The following ABHD18 variants were observed in gnomAD, a reference collection of about 807,000 sequenced individuals.
ABHD18 encodes the protein cardiolipin-specific deacylase, mitochondrial.
In ABHD18, 55 loss-of-function variants were observed where a neutral mutation model predicts 65.9. The observed-to-expected ratio is 0.84, with a 90% CI of 0.67 to 1.05. ABHD18 has a LOEUF of 1.05. Ranked by LOEUF, ABHD18 falls within the 50% of genes least tolerant of loss-of-function variation. The pLI is 0.00. For synonymous variants in ABHD18, 181 were observed against 180.2 expected, an observed-to-expected ratio of 1.00 and a Z score of -0.04; for missense variants, 533 against 558.5, an observed-to-expected ratio of 0.95 and a Z score of 0.46.
rs552239838 is a variant in ABHD18 at position 128,011,494 on chromosome 4, T to A, written c.443-179T>A. On this transcript the variant is annotated intron_variant, in intron 6 of 12. Transcript: ENST00000645843. ...AGTAAAGCTGGTTTTTTTTTTTTTT[T>A]TAAAAAAAAGGAAAATAATTAAGTT... Among the ~76,000 whole-genome samples the A allele has an allele frequency of 2.4e-4, 36 of 149,990 alleles. No individual in the cohort carries two copies. The highest frequency in any genetic ancestry group is 8.3e-4 in the African/African-American group (34 of 41,084).
chr4:128,025,465 A>C (rs976009437), intron 10 of ABHD18, among the ~76,000 whole-genome samples: 6 of 152,128 alleles, frequency 3.9e-5, no homozygotes, highest in African/African-American at 1.2e-4. Flanking sequence ...GGACTATACA[A>C]AGTGTTTCCT....
At chr4:128,021,521 G>A (rs183113912) in intron 10 of ABHD18, among the ~76,000 whole-genome samples, 41 of 152,246 alleles carry the variant, frequency 2.7e-4, no homozygotes, top group African/African-American at 9.4e-4. Flanking sequence ...ACGTGTGGTG[G>A]TAGGTGCCTG....
chr4:128,017,128 G>C (rs894907454), intron 7 of ABHD18, among the ~76,000 whole-genome samples: 4 of 152,086 alleles, frequency 2.6e-5, no homozygotes, highest in South Asian at 2.1e-4. Flanking sequence ...ATGTTGCCCA[G>C]GCTTGTCTTG....
chr4:128,003,788 T>C (rs1753093206), intron 4 of ABHD18, among the ~76,000 whole-genome samples: 1 of 151,874 alleles, frequency 6.6e-6, no homozygotes, highest in African/African-American at 2.4e-5. Flanking sequence ...CTACTGAAAA[T>C]AGCAAAAATA....
chr4:127,994,152 A>T (rs1751364916), intron 4 of ABHD18, among the ~76,000 whole-genome samples: 1 of 152,222 alleles, frequency 6.6e-6, no homozygotes, highest in Admixed American at 6.5e-5. Flanking sequence ...AAGACTGCTT[A>T]AGATCTGTGG....
chr4:128,027,992 A>G (rs890650970), intron 10 of ABHD18, among the ~76,000 whole-genome samples: 2 of 152,252 alleles, frequency 1.3e-5, no homozygotes, highest in African/African-American at 4.8e-5. Context: ...TATATACAAC[A>G]TAAAATTTAC....
chr4:127,998,208 C>T (rs2149104606), intron 4 of ABHD18, among the ~76,000 whole-genome samples: 1 of 151,236 alleles, frequency 6.6e-6, no homozygotes, highest in East Asian at 2.0e-4. Context: ...TATCTCACTT[C>T]CTCTTTTCTC....
At chr4:127,981,805 G>GA (rs1749104424) in intron 1 of ABHD18, among the ~76,000 whole-genome samples, 1 of 152,012 alleles carries the variant, frequency 6.6e-6, no homozygotes, top group Admixed American at 6.6e-5. Flanking sequence ...TGGAAACTGG[G>GA]AAAAAGAGAG....
Position 128,039,144 on chromosome 4 carries a change from C to CGTGTGTGTATATATATATAT in ABHD18, c.*3331_*3332insGTGTGTGTATATATATATAT, listed in dbSNP as rs1491380654. 2 of 99,738 alleles carry CGTGTGTGTATATATATATAT rather than the reference C, an allele frequency of 2.0e-5. No individual in the cohort carries two copies. Among genetic ancestry groups the CGTGTGTGTATATATATATAT allele is most frequent in the African/African-American group, 7.5e-5 (2 of 26,816 alleles). 6.2% of individuals were successfully genotyped at this position (99,738 alleles called of 1,614,324 possible). On this transcript the variant is annotated 3_prime_UTR_variant, in exon 13 of 13. Coordinates refer to ENST00000645843, the MANE Select transcript of ABHD18 (RefSeq NM_001358451.3). ...TATGTATTATATATACACACATATG[C>CGTGTGTGTATATATATATAT]ATATATATATATATATATATATATA...
chr4:128,032,852 A>G (rs1758399838), intron 12 of ABHD18, among the ~76,000 whole-genome samples: 1 of 152,236 alleles, frequency 6.6e-6, no homozygotes, highest in Admixed American at 6.5e-5. Context: ...AGGGACATAC[A>G]TTACATGTAC....
chr4:128,010,360 T>C (rs1208497027), intron 6 of ABHD18, among the ~76,000 whole-genome samples: 1 of 148,088 alleles, frequency 6.8e-6, no homozygotes, highest in Non-Finnish European at 1.5e-5. Context: ...TGAAACCCTG[T>C]CTCTGCTAAA....
At chr4:128,035,124 C>T (rs538523552) in intron 12 of ABHD18, among the ~76,000 whole-genome samples, 140 of 152,218 alleles carry the variant, frequency 9.2e-4, no homozygotes, top group Middle Eastern at 3.4e-3. Context: ...TAATTTTCAA[C>T]GAAGCGATAA....
intron 4 of ABHD18, among the ~76,000 whole-genome samples, chr4:128,007,660 G>A (rs1348196902): frequency 2.0e-5 from 3 of 151,178 alleles, no homozygotes; most frequent in Non-Finnish European, 4.4e-5. Flanking sequence ...AGGATCACTT[G>A]AGCCCAGGAA....
chr4:128,031,135 C>G, intron 12 of ABHD18: 1 of 985,756 alleles, frequency 1.0e-6, no homozygotes, highest in Non-Finnish European at 1.2e-6. Flanking sequence ...TTATATGACT[C>G]CACTATTTTA....
At chr4:128,013,053 A>G (rs1041500781) in intron 7 of ABHD18, among the ~76,000 whole-genome samples, 53 of 144,460 alleles carry the variant, frequency 3.7e-4, no homozygotes, top group African/African-American at 1.3e-3. Flanking sequence ...CGACAGAGCA[A>G]GACTCCATCC....
chr4:128,026,648 CT>C (rs1461930652), intron 10 of ABHD18, among the ~76,000 whole-genome samples: 3 of 151,984 alleles, frequency 2.0e-5, no homozygotes, highest in Admixed American at 6.6e-5. Flanking sequence ...TTTCTTTTGA[CT>C]TTGGTTTTAG....
chr4:127,968,389 T>C (rs1746104671), intron 1 of ABHD18, among the ~76,000 whole-genome samples: 1 of 152,244 alleles, frequency 6.6e-6, no homozygotes, highest in Admixed American at 6.5e-5. Flanking sequence ...GAAGTGAAAT[T>C]ACAAGATAAA....
chr4:127,975,528 G>A (rs1747744697), intron 1 of ABHD18, among the ~76,000 whole-genome samples: 1 of 152,154 alleles, frequency 6.6e-6, no homozygotes, highest in Non-Finnish European at 1.5e-5. Context: ...GTGTGTGTTT[G>A]TGGTTGTTTG....
chr4:127,976,358 GA>G (rs145625842), intron 1 of ABHD18, among the ~76,000 whole-genome samples: 1 of 149,086 alleles, frequency 6.7e-6, no homozygotes, highest in Admixed American at 6.7e-5. Context: ...AAACGCCCAA[GA>G]AAAAAAAAGT....
Sources: gnomAD v4.1 joint callset for allele counts (sites outside exome capture counted in the v4.1 genomes callset) on GRCh38, gnomAD v4.1.1 for gene constraint, MANE v1.5 for transcripts, NCBI Gene and HGNC (gene_info 2026-07-23, HGNC 2026-07-21) for gene names.